The following SCHIP1 variants were observed in gnomAD, a reference collection of about 807,000 sequenced individuals.
SCHIP1 encodes schwannomin-interacting protein 1.
In SCHIP1, 8 loss-of-function variants were observed where a neutral mutation model predicts 29.7. That is an observed-to-expected ratio of 0.27 (90% CI 0.16 to 0.49). The LOEUF (loss-of-function observed/expected upper bound fraction) is 0.49. Among genes scored for constraint, SCHIP1 ranks in the 20% least tolerant of loss-of-function variants. SCHIP1 has a pLI of 0.99. For missense variants in SCHIP1, 193 were observed against 294.6 expected (o/e 0.66, Z 2.52); for synonymous variants, 76 against 94.9 (o/e 0.80, Z 1.16).
At chr3:159,892,148 C>T in exon 6 of SCHIP1, 1 of 1,614,184 alleles carries the variant, frequency 6.2e-7, no homozygotes, top group Non-Finnish European at 8.5e-7. Flanking sequence ...GAGCTGCACA[C>T]AGAGCAGGAT....
the SCHIP1 span, among the ~76,000 whole-genome samples, chr3:159,413,157 C>A: frequency 1.3e-5 from 2 of 152,236 alleles, no homozygotes; most frequent in African/African-American, 4.8e-5. Flanking sequence ...GGGGAAACTG[C>A]CCCCATTATT....
the SCHIP1 span, chr3:159,275,056 T>C: frequency 3.1e-6 from 3 of 975,272 alleles, no homozygotes; most frequent in Non-Finnish European, 3.7e-6. Flanking sequence ...TACTTACATT[T>C]TGACAGTGTA....
chr3:159,767,648 C>G, the SCHIP1 span, among the ~76,000 whole-genome samples: 2 of 152,212 alleles, frequency 1.3e-5, no homozygotes, highest in African/African-American at 4.8e-5. Flanking sequence ...TAAGCCTATT[C>G]CTACTTCAGG....
At chr3:159,895,506 C>T (rs1717974022) in intron 6 of SCHIP1, among the ~76,000 whole-genome samples, 1 of 152,126 alleles carries the variant, frequency 6.6e-6, no homozygotes, top group African/African-American at 2.4e-5. Context: ...CCTTTAAAAC[C>T]ATTGTCTTTT....
the SCHIP1 span, among the ~76,000 whole-genome samples, chr3:159,483,758 A>G: frequency 1.3e-5 from 2 of 152,190 alleles, no homozygotes; most frequent in African/African-American, 2.4e-5. Context: ...ATGCATGGCT[A>G]TATACAGATT....
At chr3:159,701,758 C>CT in the SCHIP1 span, among the ~76,000 whole-genome samples, 8 of 151,000 alleles carry the variant, frequency 5.3e-5, no homozygotes, top group Admixed American at 3.3e-4. Flanking sequence ...CCTCAGTGAC[C>CT]TTTTTTTTTC....
chr3:159,783,681 AG>A, the SCHIP1 span, among the ~76,000 whole-genome samples: 1 of 152,204 alleles, frequency 6.6e-6, no homozygotes, highest in South Asian at 2.1e-4. Context: ...GTACGTGGGA[AG>A]AAGCTGTTTA....
chr3:159,611,277 A>G, the SCHIP1 span, among the ~76,000 whole-genome samples: 466 of 152,286 alleles, frequency 3.1e-3, 4 homozygotes, highest in African/African-American at 0.011. Flanking sequence ...GAGATGAGAT[A>G]GTTGAGAAGT....
At chr3:159,830,920 A>G in the SCHIP1 span, among the ~76,000 whole-genome samples, 1 of 152,196 alleles carries the variant, frequency 6.6e-6, no homozygotes, top group African/African-American at 2.4e-5. Flanking sequence ...GAGTTACACA[A>G]TATTTATATG....
At chr3:159,458,658 T>TA in the SCHIP1 span, among the ~76,000 whole-genome samples, 9 of 152,104 alleles carry the variant, frequency 5.9e-5, no homozygotes, top group Non-Finnish European at 1.0e-4. Context: ...AAGCCAAACT[T>TA]ACCTTCAGTG....
chr3:159,302,286 A>C, the SCHIP1 span, among the ~76,000 whole-genome samples: 1 of 152,184 alleles, frequency 6.6e-6, no homozygotes, highest in African/African-American at 2.4e-5. Context: ...GCAATTAGCA[A>C]AGTACTTGGT....
chr3:159,418,626 T>C, the SCHIP1 span, among the ~76,000 whole-genome samples: 1 of 152,262 alleles, frequency 6.6e-6, no homozygotes, highest in Non-Finnish European at 1.5e-5. Flanking sequence ...ATCACTATGT[T>C]TTGATATACA....
chr3:159,615,463 G>A, the SCHIP1 span, among the ~76,000 whole-genome samples: 224 of 152,336 alleles, frequency 1.5e-3, 1 homozygote, highest in African/African-American at 5.0e-3. Context: ...AGTGAAAGAC[G>A]TTGAGCGTAT....
At chr3:159,278,585 A>G in the SCHIP1 span, among the ~76,000 whole-genome samples, 6 of 152,178 alleles carry the variant, frequency 3.9e-5, no homozygotes, top group South Asian at 1.2e-3. Context: ...CAATCTGTAT[A>G]GCTATAGCTG....
At chr3:159,726,130 T>C in the SCHIP1 span, among the ~76,000 whole-genome samples, 1 of 152,150 alleles carries the variant, frequency 6.6e-6, no homozygotes. Flanking sequence ...TGAATGAAGG[T>C]ATATAGTTTT....
the SCHIP1 span, among the ~76,000 whole-genome samples, chr3:159,658,576 T>C: frequency 1.3e-5 from 2 of 152,190 alleles, no homozygotes; most frequent in Non-Finnish European, 2.9e-5. Context: ...GGACTGTCCC[T>C]GGTTCAGACA....
chr3:159,642,098 G>A, the SCHIP1 span, among the ~76,000 whole-genome samples: 1 of 152,040 alleles, frequency 6.6e-6, no homozygotes, highest in Non-Finnish European at 1.5e-5. Context: ...TGGGGAGACT[G>A]TTTCCCCATA....
At chr3:159,844,820 A>G (rs187675842) in intron 1 of SCHIP1, among the ~76,000 whole-genome samples, 1 of 152,248 alleles carries the variant, frequency 6.6e-6, no homozygotes, top group African/African-American at 2.4e-5. Context: ...GCCATTGCTT[A>G]AATTCCCTTA....
chr3:159,619,636 G>A, the SCHIP1 span, among the ~76,000 whole-genome samples: 1 of 152,200 alleles, frequency 6.6e-6, no homozygotes, highest in Non-Finnish European at 1.5e-5. Flanking sequence ...CTATTTATTT[G>A]CCAAGAATTT....
Sources: gnomAD v4.1 joint callset for allele counts (sites outside exome capture counted in the v4.1 genomes callset) on GRCh38, gnomAD v4.1.1 for gene constraint, MANE v1.5 for transcripts, NCBI Gene and HGNC (gene_info 2026-07-23, HGNC 2026-07-21) for gene names.